The following FAM107B variants were observed in gnomAD, a reference collection of about 807,000 sequenced individuals.
The protein encoded by FAM107B is family with sequence similarity 107 member B, also known as protein FAM107B.
Under a neutral mutation model 31.5 loss-of-function variants are expected in FAM107B, and 21 were observed. That is an observed-to-expected ratio of 0.67 (90% CI 0.47 to 0.96). The LOEUF (loss-of-function observed/expected upper bound fraction) is 0.96, where lower values mean the gene tolerates loss of function less well. FAM107B is among the 40% of genes least tolerant of loss of function. The pLI is 0.00. For missense variants in FAM107B, 452 were observed against 377.1 expected (o/e 1.20, Z -1.64); for synonymous variants, 157 against 141.5 (o/e 1.11, Z -0.78).
At chr10:14,525,976 T>C (rs537942643) in intron 3 of FAM107B, among the ~76,000 whole-genome samples, 58 of 152,310 alleles carry the variant, frequency 3.8e-4, no homozygotes, top group African/African-American at 1.4e-3. Context: ...CGAGTCCCCA[T>C]TCATTCCACA....
intron 1 of FAM107B, among the ~76,000 whole-genome samples, chr10:14,672,067 A>G (rs1854570241): frequency 6.7e-6 from 1 of 149,140 alleles, no homozygotes; most frequent in African/African-American, 2.5e-5. Flanking sequence ...CCCTGCCATC[A>G]TGAGTTTTTT....
intron 2 of FAM107B, among the ~76,000 whole-genome samples, chr10:14,660,284 A>T (rs949736869): frequency 6.6e-6 from 1 of 152,208 alleles, no homozygotes; most frequent in Non-Finnish European, 1.5e-5. Context: ...ATTCAAAAAA[A>T]CCTGGCCTGT....
Position 14,667,663 on chromosome 10 carries a change from C to A in FAM107B, c.440G>T (p.Cys147Phe), listed in dbSNP as rs921694430. ...KEEEFREEPKCLELEQKMTSD... is the reference protein window; with the variant it reads ...KEEEFREEPKFLELEQKMTSD... ...TGTCATTTTCTGCTCCAGCTCGAGG[C>A]ATTTAGGTTCTTCTCGAAATTCTTC... The change falls in exon 2 of 5, where the codon TGC becomes TTC. Residue 147 changes from cysteine (C) to phenylalanine (F), a missense_variant. Physicochemically the swap from Cys to Phe is radical, Grantham distance 205. Coordinates refer to ENST00000181796, the MANE Select transcript of FAM107B (RefSeq NM_031453.4). The A allele has an allele frequency of 6.2e-7, 1 of 1,614,056 alleles. No individual in the cohort carries two copies. Among genetic ancestry groups the A allele is most frequent in the Non-Finnish European group, 8.5e-7 (1 of 1,180,014 alleles).
At chr10:14,603,688 C>G (rs1413499170) in intron 2 of FAM107B, among the ~76,000 whole-genome samples, 1 of 152,202 alleles carries the variant, frequency 6.6e-6, no homozygotes, top group African/African-American at 2.4e-5. Flanking sequence ...GCTGGGTTCA[C>G]TGGAACAGGG....
intron 2 of FAM107B, among the ~76,000 whole-genome samples, chr10:14,533,794 G>A (rs1031344762): frequency 6.6e-6 from 1 of 152,196 alleles, no homozygotes; most frequent in Non-Finnish European, 1.5e-5. Context: ...ACAGGCCCTA[G>A]CTTGGGATGT....
At chr10:14,560,455 T>C (rs1035484270) in intron 2 of FAM107B, among the ~76,000 whole-genome samples, 10 of 152,216 alleles carry the variant, frequency 6.6e-5, no homozygotes, top group Admixed American at 3.3e-4. Flanking sequence ...GAGTCAGCGA[T>C]GACACCACAG....
intron 1 of FAM107B, among the ~76,000 whole-genome samples, chr10:14,696,701 T>C (rs12268243): frequency 0.016 from 2,410 of 152,256 alleles, 74 homozygotes; most frequent in African/African-American, 0.056. Context: ...TAACAAAATA[T>C]CCATCGATCT....
chr10:14,667,175 T>C (rs1023875478), intron 2 of FAM107B, among the ~76,000 whole-genome samples: 9 of 152,310 alleles, frequency 5.9e-5, no homozygotes, highest in African/African-American at 2.2e-4. Flanking sequence ...CTTTCCTCAT[T>C]AACTCATAGG....
intron 1 of FAM107B, among the ~76,000 whole-genome samples, chr10:14,729,580 C>G (rs565389971): frequency 5.3e-5 from 8 of 152,226 alleles, no homozygotes; most frequent in Admixed American, 2.6e-4. Context: ...ATCAGGGAAG[C>G]TTCACTGTAG....
chr10:14,600,021 T>C (rs1036335513), intron 2 of FAM107B, among the ~76,000 whole-genome samples: 3 of 152,188 alleles, frequency 2.0e-5, no homozygotes, highest in African/African-American at 7.2e-5. Context: ...TTACCTCCTT[T>C]TTCTGCATCT....
intron 1 of FAM107B, among the ~76,000 whole-genome samples, chr10:14,725,802 G>A (rs532911584): frequency 1.4e-5 from 2 of 148,108 alleles, no homozygotes; most frequent in African/African-American, 4.9e-5. Flanking sequence ...AATTTCTAGG[G>A]AGCAAAAGCA....
At chr10:14,728,777 T>C (rs113075627) in intron 1 of FAM107B, among the ~76,000 whole-genome samples, 1 of 152,340 alleles carries the variant, frequency 6.6e-6, no homozygotes, top group African/African-American at 2.4e-5. Context: ...TTATTCAGCC[T>C]CCTTGGCTTA....
chr10:14,663,573 T>C (rs1369348137), intron 2 of FAM107B: 1 of 152,162 alleles, frequency 6.6e-6, no homozygotes, highest in Non-Finnish European at 1.5e-5. Context: ...CAAACCACAA[T>C]GCATCACATT....
At chr10:14,723,656 G>C in intron 1 of FAM107B, 1 of 734,068 alleles carries the variant, frequency 1.4e-6, no homozygotes, top group Non-Finnish European at 2.5e-6. Context: ...TACTCTGCGA[G>C]AGGCTGGCAG....
At chr10:14,637,432 C>T (rs1308032731) in intron 2 of FAM107B, among the ~76,000 whole-genome samples, 1 of 152,058 alleles carries the variant, frequency 6.6e-6, no homozygotes. Flanking sequence ...CCCAGGAGTT[C>T]GAGACCAGCC....
intron 1 of FAM107B, among the ~76,000 whole-genome samples, chr10:14,736,662 T>C (rs902130422): frequency 1.3e-5 from 2 of 152,182 alleles, no homozygotes; most frequent in Non-Finnish European, 2.9e-5. Context: ...CTTCACTAAG[T>C]ATAAACATCA....
chr10:14,569,154 A>T (rs1040489076), intron 2 of FAM107B, among the ~76,000 whole-genome samples: 1 of 152,188 alleles, frequency 6.6e-6, no homozygotes, highest in Non-Finnish European at 1.5e-5. Context: ...TGTTTATTCA[A>T]ATCTTTGCCC....
chr10:14,686,384 G>T (rs1588705572), intron 1 of FAM107B, among the ~76,000 whole-genome samples: 1 of 142,434 alleles, frequency 7.0e-6, no homozygotes, highest in Middle Eastern at 3.5e-3. Flanking sequence ...GCAAGACTCT[G>T]CATGTCTCAA....
At chr10:14,668,823 G>T (rs1854471308) in intron 1 of FAM107B, among the ~76,000 whole-genome samples, 1 of 152,112 alleles carries the variant, frequency 6.6e-6, no homozygotes, top group African/African-American at 2.4e-5. Flanking sequence ...GAAGGCTACT[G>T]TGCTTACTTT....
Sources: gnomAD v4.1 joint callset for allele counts (sites outside exome capture counted in the v4.1 genomes callset) on GRCh38, gnomAD v4.1.1 for gene constraint, MANE v1.5 for transcripts, NCBI Gene and HGNC (gene_info 2026-07-23, HGNC 2026-07-21) for gene names.